The following MCPH1 variants were observed in gnomAD, a reference collection of about 807,000 sequenced individuals.
MCPH1 encodes the protein microcephalin.
In MCPH1, 104 loss-of-function variants were observed where a neutral mutation model predicts 84.5. The ratio of observed to expected loss-of-function variants is 1.23; its 90% CI spans 1.05 to 1.45. The LOEUF is 1.45. Ranked by LOEUF, MCPH1 falls within the 40% of genes most tolerant of loss-of-function variation. MCPH1 has a pLI of 0.00. For synonymous variants in MCPH1, 514 were observed against 366.8 expected, an observed-to-expected ratio of 1.40 and a Z score of -4.58; for missense variants, 1,498 against 1,005.7, an observed-to-expected ratio of 1.49 and a Z score of -6.62.
intron 12 of MCPH1, among the ~76,000 whole-genome samples, chr8:6,538,561 G>C (rs80107587): frequency 6.6e-6 from 1 of 152,164 alleles, no homozygotes. Context: ...GTCCTTGGCT[G>C]TCCCAGCTGC....
intron 13 of MCPH1, among the ~76,000 whole-genome samples, chr8:6,636,561 C>A (rs925148521): frequency 1.3e-5 from 2 of 152,066 alleles, no homozygotes; most frequent in Admixed American, 6.5e-5. Flanking sequence ...CTCATTGCAG[C>A]CTCTAACTCC....
chr8:6,591,489 G>A (rs1486432365), intron 12 of MCPH1, among the ~76,000 whole-genome samples: 1 of 152,200 alleles, frequency 6.6e-6, no homozygotes, highest in East Asian at 1.9e-4. Context: ...TGAATGGTCA[G>A]TGGAACATAG....
intron 13 of MCPH1, among the ~76,000 whole-genome samples, chr8:6,629,409 T>C (rs1477061343): frequency 6.6e-6 from 1 of 152,104 alleles, no homozygotes; most frequent in Non-Finnish European, 1.5e-5. Flanking sequence ...CTGCAGTTAG[T>C]CGTGATCCCA....
chr8:6,506,629 A>T (rs563516787), intron 12 of MCPH1, among the ~76,000 whole-genome samples: 2 of 152,212 alleles, frequency 1.3e-5, no homozygotes, highest in Admixed American at 1.3e-4. Flanking sequence ...GTTCAGCTTT[A>T]AAAAGGATGA....
chr8:6,608,864 C>T (rs1041229851), intron 12 of MCPH1, among the ~76,000 whole-genome samples: 1 of 152,186 alleles, frequency 6.6e-6, no homozygotes, highest in Admixed American at 6.5e-5. Flanking sequence ...GCCTAGGCCT[C>T]ACCACCCTCC....
chr8:6,436,961 C>T (rs1000587091), intron 5 of MCPH1, among the ~76,000 whole-genome samples: 3 of 151,636 alleles, frequency 2.0e-5, no homozygotes, highest in African/African-American at 7.3e-5. Flanking sequence ...CAGAGTGAGA[C>T]TCCAACTCAA....
intron 12 of MCPH1, among the ~76,000 whole-genome samples, chr8:6,564,238 A>C (rs1250451241): frequency 1.3e-5 from 2 of 152,142 alleles, no homozygotes; most frequent in Non-Finnish European, 1.5e-5. Context: ...TGGCCTCCCA[A>C]AGTGCTGAGA....
At chr8:6,548,887 A>G (rs1376684753) in intron 12 of MCPH1, among the ~76,000 whole-genome samples, 1 of 152,190 alleles carries the variant, frequency 6.6e-6, no homozygotes, top group Non-Finnish European at 1.5e-5. Context: ...ATAAAGTTTC[A>G]TCACTTTTTA....
intron 9 of MCPH1, chr8:6,473,970 C>G (rs1473175103): frequency 8.5e-7 from 1 of 1,183,070 alleles, no homozygotes. Context: ...GCCGTGGCTT[C>G]TTCATAAAGA....
rs116167188 is a variant in MCPH1, at chr8:6,442,238, A to C, written c.670+82A>C. ...TTCTGATTTAGAATTTCATGTAGCA[A>C]CTTCTGATGAGTAAAATAATTAGTT... On this transcript the variant is annotated intron_variant, in intron 7 of 13. Transcript: ENST00000344683. The C allele has an allele frequency of 3.6e-6, 3 of 824,008 alleles. No homozygotes were observed. In the African/African-American group the frequency reaches 5.1e-5, roughly 14 times the overall value. 51.0% of individuals were successfully genotyped at this position (824,008 alleles called of 1,614,324 possible). A position where few individuals can be genotyped will look rare whatever the true frequency, so the allele number is the denominator to read the frequency against.
chr8:6,442,082 A>C lies in MCPH1; in HGVS notation c.596A>C (p.Gln199Pro). The C allele has an allele frequency of 6.2e-7, 1 of 1,612,672 alleles. No homozygotes were observed. The highest frequency in any genetic ancestry group is 8.5e-7 in the Non-Finnish European group (1 of 1,178,674). The change falls in exon 7 of 14, where the codon CAG becomes CCG. Residue 199 changes from glutamine (Q) to proline (P), a missense_variant. Gln to Pro is a moderately conservative substitution (Grantham distance 76). Transcript: ENST00000344683. ...CTGTTTTTAGCTTCCCAAATGATTC[A>C]GCAGTCTCATGATAATCCAAGTAAC... ...NLSPTSSQMIQQSHDNPSNSL... is the reference protein window; with the variant it reads ...NLSPTSSQMIPQSHDNPSNSL...
chr8:6,410,176 A>G (rs887759933), intron 2 of MCPH1, among the ~76,000 whole-genome samples: 51 of 151,730 alleles, frequency 3.4e-4, no homozygotes, highest in African/African-American at 1.1e-3. Flanking sequence ...GGGTTTCACC[A>G]TGTTGGCCAG....
Position 6,602,130 on chromosome 8 carries a change from A to G in MCPH1, c.2215-19324A>G, listed in dbSNP as rs73661436. On this transcript the variant is annotated intron_variant, in intron 12 of 13. Coordinates refer to ENST00000344683, the MANE Select transcript of MCPH1 (RefSeq NM_024596.5). ...GGATTGGAAGGCAGTAGCAAGGCAC[A>G]AAGTGCAGTGAGAGCCAAGCTCAGG... Among the ~76,000 whole-genome samples, 716 of 152,332 alleles carry G rather than the reference A, an allele frequency of 4.7e-3. 9 individuals carry two copies. The highest frequency in any genetic ancestry group is 0.016 in the African/African-American group (660 of 41,582).
rs117041139 is a variant in MCPH1, at chr8:6,453,442, G to A, written c.1826-1701G>A. Among the ~76,000 whole-genome samples, 182 of 149,262 alleles carry A rather than the reference G, an allele frequency of 1.2e-3. 3 individuals are homozygous for A. In the East Asian group the frequency reaches 0.03, roughly 24 times the overall value. On this transcript the variant is annotated intron_variant, in intron 8 of 13. Transcript: ENST00000344683. ...TCTTTCTTAAGTTTTAAAAGATTGTGTTGCATTTCTTAGAACTTTATGTTT... is the reference window on the plus strand; with the variant it reads ...TCTTTCTTAAGTTTTAAAAGATTGTATTGCATTTCTTAGAACTTTATGTTT...
intron 12 of MCPH1, among the ~76,000 whole-genome samples, chr8:6,517,336 T>C (rs1816457397): frequency 2.0e-5 from 3 of 152,216 alleles, no homozygotes; most frequent in Admixed American, 1.3e-4. Context: ...GAGGCAATGA[T>C]TAAGTGACGG....
At chr8:6,534,209 A>C (rs529036997) in intron 12 of MCPH1, among the ~76,000 whole-genome samples, 22 of 152,354 alleles carry the variant, frequency 1.4e-4, no homozygotes, top group African/African-American at 4.8e-4. Context: ...ATATTTTAAA[A>C]AAAAAATAAC....
chr8:6,431,436 A>G (rs879401632), intron 3 of MCPH1, 63 bp from the exon 4 acceptor site: 4 of 1,202,838 alleles, frequency 3.3e-6, no homozygotes, highest in Non-Finnish European at 4.9e-6. Flanking sequence ...GTGCAGATTT[A>G]GTGCTGTGTC....
In MCPH1 at chr8:6,551,140, G is replaced by A. The variant is rs376139496; in HGVS notation, c.2214+51211G>A. On this transcript the variant is annotated intron_variant, in intron 12 of 13. Transcript: ENST00000344683. ...CCCTGACTCGAAGCTGACCATCTGT[G>A]CTGATGCTGACTTAGGATTTTAAAT... Among the ~76,000 whole-genome samples, 3 of 152,310 alleles carry A rather than the reference G, an allele frequency of 2.0e-5. No individual in the cohort carries two copies. In the East Asian group the frequency reaches 5.8e-4, roughly 29 times the overall value.
At chr8:6,435,945 T>C in intron 4 of MCPH1, 103 bp from the exon 5 acceptor site, 1 of 1,386,504 alleles carries the variant, frequency 7.2e-7, no homozygotes, top group Non-Finnish European at 9.9e-7. Context: ...GAATTTTTTA[T>C]TACTGATGTT....
Sources: gnomAD v4.1 joint callset for allele counts (sites outside exome capture counted in the v4.1 genomes callset) on GRCh38, gnomAD v4.1.1 for gene constraint, MANE v1.5 for transcripts, NCBI Gene and HGNC (gene_info 2026-07-23, HGNC 2026-07-21) for gene names.